SYN3: variants seen among roughly 807,000 people sequenced by gnomAD.
The protein encoded by SYN3 is synapsin-3.
In SYN3, 35 loss-of-function variants were observed where a neutral mutation model predicts 65.8. The ratio of observed to expected loss-of-function variants is 0.53; its 90% CI spans 0.41 to 0.70. The LOEUF is 0.70. Among genes scored for constraint, SYN3 ranks in the 30% least tolerant of loss-of-function variants. The probability of loss-of-function intolerance (pLI) is 0.00; values close to 1 mark genes in which losing one functional copy is unlikely to be tolerated. For missense variants in SYN3, 680 were observed against 749.0 expected (o/e 0.91, Z 1.08); for synonymous variants, 270 against 292.9 (o/e 0.92, Z 0.80).
chr22:32,759,237 T>C (rs1012383188), intron 6 of SYN3, among the ~76,000 whole-genome samples: 29 of 152,134 alleles, frequency 1.9e-4, no homozygotes, highest in African/African-American at 7.0e-4. Flanking sequence ...TCAACAAATA[T>C]TCATGACATG....
chr22:32,977,089 TG>T (rs2052217110), intron 3 of SYN3, among the ~76,000 whole-genome samples: 1 of 152,208 alleles, frequency 6.6e-6, no homozygotes, highest in Non-Finnish European at 1.5e-5. Flanking sequence ...GTATGTCTAC[TG>T]GGGAAAAATG....
At chr22:32,881,845 C>A (rs1044447884) in intron 4 of SYN3, among the ~76,000 whole-genome samples, 6 of 152,108 alleles carry the variant, frequency 3.9e-5, no homozygotes, top group African/African-American at 1.2e-4. Context: ...CACCTGAGGT[C>A]AGGAGTTCGA....
intron 6 of SYN3, among the ~76,000 whole-genome samples, chr22:32,768,464 T>A (rs1004554065): frequency 6.6e-6 from 1 of 152,158 alleles, no homozygotes; most frequent in African/African-American, 2.4e-5. Context: ...CATTCTCAGG[T>A]TCAATCGCCA....
At chr22:32,556,936 G>A (rs1262190798) in intron 7 of SYN3, among the ~76,000 whole-genome samples, 2 of 150,080 alleles carry the variant, frequency 1.3e-5, no homozygotes, top group Non-Finnish European at 2.9e-5. Flanking sequence ...TGGGATTACA[G>A]GTGTGAGTCA....
intron 3 of SYN3, among the ~76,000 whole-genome samples, chr22:32,937,175 T>A (rs182252062): frequency 6.6e-6 from 1 of 152,088 alleles, no homozygotes; most frequent in African/African-American, 2.4e-5. Flanking sequence ...GGAGAGATGA[T>A]GGGAAGAGCA....
intron 6 of SYN3, among the ~76,000 whole-genome samples, chr22:32,742,795 G>A (rs2044814083): frequency 1.3e-5 from 2 of 152,060 alleles, no homozygotes; most frequent in African/African-American, 4.8e-5. Context: ...TTTCCCCATT[G>A]TGCATAGTAT....
intron 1 of SYN3, among the ~76,000 whole-genome samples, chr22:33,054,910 C>T (rs912854779): frequency 3.3e-5 from 5 of 152,200 alleles, no homozygotes; most frequent in Non-Finnish European, 7.3e-5. Flanking sequence ...ATATTCCCTG[C>T]ATTTAAAGTA....
intron 4 of SYN3, among the ~76,000 whole-genome samples, chr22:32,914,050 A>G (rs2050127302): frequency 6.6e-6 from 1 of 152,224 alleles, no homozygotes; most frequent in Admixed American, 6.5e-5. Context: ...CACTCTCCCA[A>G]CCATAACTTA....
intron 6 of SYN3, among the ~76,000 whole-genome samples, chr22:32,688,148 A>G (rs1344526541): frequency 2.0e-5 from 3 of 152,170 alleles, no homozygotes; most frequent in African/African-American, 4.8e-5. Flanking sequence ...GTCTATATAC[A>G]TGTATCAACT....
intron 4 of SYN3, among the ~76,000 whole-genome samples, chr22:32,915,128 G>A (rs1489472035): frequency 6.6e-6 from 1 of 152,270 alleles, no homozygotes; most frequent in South Asian, 2.1e-4. Flanking sequence ...GCTGCAGGGT[G>A]GAGGTCTGGG....
intron 6 of SYN3, among the ~76,000 whole-genome samples, chr22:32,615,963 G>T (rs2059514183): frequency 6.6e-6 from 1 of 152,362 alleles, no homozygotes; most frequent in East Asian, 1.9e-4. Context: ...TGGATTGGCT[G>T]AAAGCCAAGC....
At position 32,931,464 on chromosome 22, in the gene SYN3, C is replaced by T. The variant is rs1241085580; in HGVS notation, c.387G>A (p.Leu129=). The change falls in exon 4 of 14, where the codon TTG becomes TTA. Residue 129 remains leucine, a synonymous_variant. Coordinates refer to ENST00000358763, the MANE Select transcript of SYN3 (RefSeq NM_003490.4). ...CCCCGGTCACATAGGCAGCTAGGTT[C>T]AACTCTGAGAATTCAGCCTGAAGAA... ...IRVEQAEFSE[L]NLAAYVTGGC... is the part of the protein sequence containing the mutation. The T allele has an allele frequency of 1.2e-6, 2 of 1,613,702 alleles. No individual in the cohort carries two copies. The highest frequency in any genetic ancestry group is 1.7e-6 in the Non-Finnish European group (2 of 1,179,770).
At chr22:33,019,447 G>C (rs1471616842) in intron 1 of SYN3, among the ~76,000 whole-genome samples, 3 of 152,150 alleles carry the variant, frequency 2.0e-5, no homozygotes. Flanking sequence ...ATATCTATGA[G>C]AGTTGGGGTG....
chr22:32,617,572 G>A (rs2059538521), intron 6 of SYN3, among the ~76,000 whole-genome samples: 1 of 151,966 alleles, frequency 6.6e-6, no homozygotes. Flanking sequence ...GAATGATGGG[G>A]AAGCGGGGTG....
chr22:32,537,766 C>T (rs936724402), intron 9 of SYN3, among the ~76,000 whole-genome samples: 14 of 152,196 alleles, frequency 9.2e-5, no homozygotes, highest in Non-Finnish European at 2.1e-4. Flanking sequence ...GTTCTACTCT[C>T]AGCTCTGTCA....
chr22:32,614,983 A>AAT (rs1251160007), intron 6 of SYN3, among the ~76,000 whole-genome samples: 2 of 151,976 alleles, frequency 1.3e-5, no homozygotes, highest in African/African-American at 4.8e-5. Context: ...AAAAAAAAAA[A>AAT]ATACTGCCAA....
intron 6 of SYN3, among the ~76,000 whole-genome samples, chr22:32,768,399 A>G (rs773898631): frequency 2.6e-5 from 4 of 152,088 alleles, no homozygotes; most frequent in Non-Finnish European, 5.9e-5. Context: ...GATGTTTCCC[A>G]AGTTTATGCC....
intron 10 of SYN3, among the ~76,000 whole-genome samples, chr22:32,529,245 C>A (rs1449434281): frequency 2.0e-5 from 3 of 152,194 alleles, no homozygotes; most frequent in African/African-American, 7.2e-5. Flanking sequence ...TGGATGACAG[C>A]AATGCGACAA....
At chr22:32,862,746 G>A (rs1379776075) in intron 6 of SYN3, 2 of 152,608 alleles carry the variant, frequency 1.3e-5, no homozygotes, top group Non-Finnish European at 2.9e-5. Context: ...TTGGAGAATA[G>A]TTTTTGCTTT....
Sources: allele counts gnomAD v4.1 joint callset (sites outside exome capture counted in the v4.1 genomes callset), GRCh38; gene constraint gnomAD v4.1.1; transcripts MANE v1.5; gene names NCBI Gene and HGNC (gene_info 2026-07-23, HGNC 2026-07-21).